The following CLVS1 variants were observed in gnomAD, a reference collection of about 807,000 sequenced individuals.
CLVS1 encodes the protein clavesin-1.
Under a neutral mutation model 33.1 loss-of-function variants are expected in CLVS1, and 10 were observed. The observed-to-expected ratio is 0.30, with a 90% CI of 0.19 to 0.51. The LOEUF (loss-of-function observed/expected upper bound fraction) is 0.51, where lower values mean the gene tolerates loss of function less well. Ranked by LOEUF, CLVS1 falls within the 20% of genes least tolerant of loss-of-function variation. CLVS1 has a pLI of 0.97. For missense variants in CLVS1, 343 were observed against 433.4 expected (o/e 0.79, Z 1.85); for synonymous variants, 163 against 166.1 (o/e 0.98, Z 0.14).
intron 1 of CLVS1, among the ~76,000 whole-genome samples, chr8:61,114,464 A>G (rs888773519): frequency 8.5e-5 from 13 of 152,246 alleles, no homozygotes; most frequent in African/African-American, 2.9e-4. Context: ...GAAAGACCAG[A>G]TTCCTAGATA....
chr8:61,490,990 AAG>A (rs1366309299), intron 5 of CLVS1, among the ~76,000 whole-genome samples: 64 of 152,140 alleles, frequency 4.2e-4, no homozygotes, highest in African/African-American at 1.4e-3. Flanking sequence ...AAAAGAAAGA[AAG>A]AAATTATTTT....
chr8:61,377,518 G>A (rs901449889), intron 3 of CLVS1: 13 of 152,170 alleles, frequency 8.5e-5, no homozygotes, highest in Non-Finnish European at 1.5e-4. Flanking sequence ...AATTTCATAG[G>A]CAGATTAACT....
rs547750343 is a variant in CLVS1 at position 61,130,154 on chromosome 8, C to T, written c.-242-1616C>T. ...TTGGGAGGCTGAGGCAGGAGAATTG[C>T]TTGAGCCTGGGAGGTGGAGGTTGCA... is the stretch of plus-strand genomic sequence containing the variant. On this transcript the variant is annotated intron_variant, in intron 1 of 2. Coordinates refer to the CLVS1 transcript ENST00000522621. 8.6e-5 allele frequency among the ~76,000 whole-genome samples: 13 copies of T among 152,016 alleles called. No individual in the cohort carries two copies. In the South Asian group the frequency reaches 2.5e-3, roughly 29 times the overall value.
chr8:61,143,285 G>A (rs1424377996), intron 2 of CLVS1, among the ~76,000 whole-genome samples: 1 of 152,182 alleles, frequency 6.6e-6, no homozygotes, highest in Admixed American at 6.5e-5. Flanking sequence ...TGACCGTACA[G>A]TCAACACAAT....
rs1816550317 is a variant in CLVS1 at position 61,441,650 on chromosome 8, A to T, written c.631-12491A>T. On this transcript the variant is annotated intron_variant, in intron 3 of 5. Coordinates refer to ENST00000325897, the MANE Select transcript of CLVS1 (RefSeq NM_173519.3). ...AGTTAATCCTTCATTATCCAGCAGA[A>T]ACTGAGCCAACGGCCACGGGTGACA... Among the ~76,000 whole-genome samples the T allele has an allele frequency of 2.0e-5, 3 of 152,172 alleles. No homozygotes were observed. The South Asian group carries it at 6.2e-4, about 32-fold the overall frequency.
intron 2 of CLVS1, among the ~76,000 whole-genome samples, chr8:61,155,490 C>T (rs1806631036): frequency 2.0e-5 from 3 of 152,130 alleles, no homozygotes; most frequent in Non-Finnish European, 4.4e-5. Context: ...CTCTGATTAG[C>T]CTTTTAATGG....
chr8:61,365,604 C>G (rs1435438134), intron 2 of CLVS1, among the ~76,000 whole-genome samples: 2 of 152,070 alleles, frequency 1.3e-5, no homozygotes, highest in Non-Finnish European at 2.9e-5. Context: ...ACTTAATTCA[C>G]TCATGTCGGG....
chr8:61,027,259 A>G, the CLVS1 span, among the ~76,000 whole-genome samples: 289 of 152,202 alleles, frequency 1.9e-3, 3 homozygotes, highest in East Asian at 4.8e-3. Flanking sequence ...AGCCAACAAG[A>G]ATGTGCATTA....
At chr8:61,464,240 C>G (rs1817470325) in intron 5 of CLVS1, among the ~76,000 whole-genome samples, 1 of 152,156 alleles carries the variant, frequency 6.6e-6, no homozygotes, top group South Asian at 2.1e-4. Context: ...AGTACAATAT[C>G]TGCAAAGGGC....
At chr8:61,354,221 A>C (rs978348195) in intron 2 of CLVS1, among the ~76,000 whole-genome samples, 2 of 152,092 alleles carry the variant, frequency 1.3e-5, no homozygotes, top group Non-Finnish European at 2.9e-5. Context: ...AGCCTATTCG[A>C]CATCACTAGT....
chr8:61,175,570 C>T (rs1403369144), intron 2 of CLVS1, among the ~76,000 whole-genome samples: 1 of 151,938 alleles, frequency 6.6e-6, no homozygotes, highest in Non-Finnish European at 1.5e-5. Context: ...ATGACGTCAC[C>T]CTGGATTAAA....
intron 5 of CLVS1, chr8:61,465,019 G>A (rs1165388486): frequency 6.6e-6 from 1 of 152,234 alleles, no homozygotes; most frequent in African/African-American, 2.4e-5. Flanking sequence ...CTGACAGAGA[G>A]GTCTGTTCTC....
At chr8:61,155,834 G>T (rs1806636216) in intron 2 of CLVS1, among the ~76,000 whole-genome samples, 1 of 152,086 alleles carries the variant, frequency 6.6e-6, no homozygotes, top group Admixed American at 6.5e-5. Context: ...CACCTTAAAG[G>T]TCCCACAGAG....
chr8:61,498,871 T>G (rs528593726), intron 5 of CLVS1, among the ~76,000 whole-genome samples: 1 of 152,312 alleles, frequency 6.6e-6, no homozygotes, highest in South Asian at 2.1e-4. Context: ...ATCTGATTCA[T>G]GGTCTTAACA....
chr8:61,269,466 G>C (rs1809385836), intron 2 of CLVS1, among the ~76,000 whole-genome samples: 1 of 151,956 alleles, frequency 6.6e-6, no homozygotes, highest in Admixed American at 6.6e-5. Context: ...CTCCAGCTTT[G>C]TTCTTTTGGC....
At chr8:61,214,065 A>G (rs1282012584) in intron 2 of CLVS1, among the ~76,000 whole-genome samples, 1 of 152,160 alleles carries the variant, frequency 6.6e-6, no homozygotes, top group African/African-American at 2.4e-5. Context: ...CAGGCTTGTT[A>G]GGAAGAGGAA....
intron 1 of CLVS1, among the ~76,000 whole-genome samples, chr8:61,106,958 T>A (rs1805549118): frequency 6.6e-6 from 1 of 152,144 alleles, no homozygotes; most frequent in South Asian, 2.1e-4. Context: ...TGTGACAACT[T>A]GCCTGCTGGG....
intron 5 of CLVS1, among the ~76,000 whole-genome samples, chr8:61,486,982 G>A (rs928009375): frequency 9.2e-5 from 14 of 152,128 alleles, no homozygotes; most frequent in Non-Finnish European, 1.8e-4. Context: ...AATTCACTTG[G>A]AGTGTTTCCT....
intron 2 of CLVS1, among the ~76,000 whole-genome samples, chr8:61,167,148 C>T (rs1806885680): frequency 6.7e-6 from 1 of 150,074 alleles, no homozygotes; most frequent in Non-Finnish European, 1.5e-5. Context: ...GCTTCTGCTC[C>T]TTCTATCTCC....
Sources: allele counts gnomAD v4.1 joint callset (sites outside exome capture counted in the v4.1 genomes callset), GRCh38; gene constraint gnomAD v4.1.1; transcripts MANE v1.5; gene names NCBI Gene and HGNC (gene_info 2026-07-23, HGNC 2026-07-21).